Variants in PHKA2 observed in about 807,000 individuals in gnomAD.
PHKA2 encodes phosphorylase b kinase regulatory subunit alpha, liver isoform.
In PHKA2, 31 loss-of-function variants were observed where a neutral mutation model predicts 102.0. The ratio of observed to expected loss-of-function variants is 0.30; its 90% CI spans 0.23 to 0.41. PHKA2 has a LOEUF of 0.41. PHKA2 is among the 10% of genes least tolerant of loss of function. The pLI is 1.00. For missense variants in PHKA2, 858 were observed against 1,023.1 expected (o/e 0.84, Z 2.20); for synonymous variants, 455 against 416.2 (o/e 1.09, Z -1.13).
intron 26 of PHKA2, 30 bp from the exon 27 acceptor site, chrX:18,901,633 C>G: frequency 1.0e-6 from 1 of 1,000,275 alleles, no homozygotes; most frequent in Non-Finnish European, 1.4e-6. Flanking sequence ...ACGTGGTTCT[C>G]AGGAACTCTA....
At chrX:18,906,250 C>T (rs2047809070) in intron 25 of PHKA2, among the ~76,000 whole-genome samples, 1 of 112,129 alleles carries the variant, frequency 8.9e-6, no homozygotes, top group African/African-American at 3.2e-5. Flanking sequence ...GATTCCACAT[C>T]GCCTTTGAGG....
In PHKA2 at chrX:18,906,820, AAGG is replaced by A. The variant is rs2047824208; in HGVS notation, c.2598-9_2598-7del. On this transcript the variant is annotated splice_polypyrimidine_tract_variant and splice_region_variant and intron_variant, in intron 23 of 32. Transcript: ENST00000379942. ...GCTCCTCTGGGGGAAGGGGCCTAGAAAGGAGCATTGTGTCACGAATGTGATGAG... is the reference window on the plus strand; with the variant it reads ...GCTCCTCTGGGGGAAGGGGCCTAGAAAGCATTGTGTCACGAATGTGATGAG... 1.7e-6 allele frequency: 2 copies of A among 1,198,749 alleles called. No individual in the cohort carries two copies. The highest frequency in any genetic ancestry group is 4.4e-5 in the Admixed American group (2 of 45,819).
chrX:18,920,843 T>G (rs1477693278), intron 17 of PHKA2, among the ~76,000 whole-genome samples: 1 of 112,286 alleles, frequency 8.9e-6, no homozygotes, highest in Non-Finnish European at 1.9e-5. Flanking sequence ...GGGAGCGATT[T>G]GCACATACAG....
intron 9 of PHKA2, 78 bp downstream of exon 9, chrX:18,939,917 A>T: frequency 1.4e-6 from 1 of 698,228 alleles, no homozygotes; most frequent in East Asian, 3.2e-5. Context: ...AATTATAATC[A>T]GCAGAGGGAG....
At chrX:18,947,427 T>G (rs2048599593) in intron 5 of PHKA2, among the ~76,000 whole-genome samples, 1 of 112,173 alleles carries the variant, frequency 8.9e-6, no homozygotes, top group Admixed American at 9.4e-5. Context: ...ACATTTATAC[T>G]CAGCAAATCT....
At chrX:18,982,445 T>C (rs925362977) in intron 1 of PHKA2, among the ~76,000 whole-genome samples, 2 of 112,436 alleles carry the variant, frequency 1.8e-5, no homozygotes, top group African/African-American at 3.2e-5. Context: ...GCTGCAGTTA[T>C]TATGGTATAT....
At chrX:18,966,081 GTTTTTTTTTTGTT>G (rs2048937942) in intron 1 of PHKA2, among the ~76,000 whole-genome samples, 1 of 85,099 alleles carries the variant, frequency 1.2e-5, no homozygotes, top group African/African-American at 4.9e-5. Flanking sequence ...TGGCTCTTTT[GTTTTTTTTTTGTT>G]TTTTTTTTTT....
At chrX:18,928,723 T>C (rs774085509) in intron 13 of PHKA2, among the ~76,000 whole-genome samples, 3 of 112,597 alleles carry the variant, frequency 2.7e-5, no homozygotes, top group African/African-American at 9.7e-5. Context: ...CTGATGACCC[T>C]GAGGCACAGA....
rs780650294 is a variant in PHKA2 at position 18,929,217 on chromosome X, C to G, written c.1324+11G>C. The G allele has an allele frequency of 8.2e-6, 9 of 1,096,993 alleles. No homozygotes were observed. The highest frequency in any genetic ancestry group is 2.5e-5 in the Admixed American group (1 of 40,149). The allele number at this position is 1,096,993 out of a possible 1,213,427, so 90.4% of individuals were successfully genotyped here. Reference sequence around the variant, plus strand: ...CAAAGTTAAATATGAACAGTAAACACGCTCACAAACCTTGTACTACAACAT... The same window carrying G: ...CAAAGTTAAATATGAACAGTAAACAGGCTCACAAACCTTGTACTACAACAT... On this transcript the variant is annotated intron_variant, in intron 13 of 32. Coordinates refer to ENST00000379942, the MANE Select transcript of PHKA2 (RefSeq NM_000292.3).
intron 12 of PHKA2, among the ~76,000 whole-genome samples, chrX:18,931,233 G>A (rs2048310141): frequency 8.9e-6 from 1 of 111,968 alleles, no homozygotes; most frequent in Admixed American, 9.4e-5. Flanking sequence ...GAGATCTGTG[G>A]CCCTTGTGCT....
intron 3 of PHKA2, among the ~76,000 whole-genome samples, chrX:18,952,138 C>CA (rs2048701084): frequency 1.1e-5 from 1 of 93,878 alleles, no homozygotes; most frequent in Non-Finnish European, 2.1e-5. Flanking sequence ...CACTTGCGCC[C>CA]AGGTGTTCAA....
At chrX:18,898,719 C>T (rs1454057350) in intron 29 of PHKA2, among the ~76,000 whole-genome samples, 1 of 112,332 alleles carries the variant, frequency 8.9e-6, no homozygotes, top group African/African-American at 3.2e-5. Flanking sequence ...TCAGCTGATC[C>T]GGGCCCTCCA....
chrX:18,983,175 G>C (rs768773030), intron 1 of PHKA2, among the ~76,000 whole-genome samples: 3 of 112,120 alleles, frequency 2.7e-5, no homozygotes, highest in Admixed American at 1.9e-4. Context: ...TCTTCACTAG[G>C]AATAAAAATA....
In PHKA2 at chrX:18,934,107, A is replaced by C. The variant is rs1601751421; in HGVS notation, c.1137+1948T>G. Among the ~76,000 whole-genome samples, 3 of 112,033 alleles carry C rather than the reference A, an allele frequency of 2.7e-5. No individual in the cohort carries two copies. The South Asian group carries it at 1.1e-3, about 42-fold the overall frequency. ...CCAATTCGGTTTTCCCGAATGCCTC[A>C]GTACTGGGAAAGGAGCGACCTGAAG... On this transcript the variant is annotated intron_variant, in intron 11 of 32. Transcript: ENST00000379942.
chrX:18,974,926 A>G lies in PHKA2; in HGVS notation c.78+8929T>C, dbSNP rs771496593. ...TCCCCCTTGGCAGTACCTCCCCCTC[A>G]TAATCTGGATCTCTCCACTTTTGGG... On this transcript the variant is annotated intron_variant, in intron 1 of 32. Transcript: ENST00000379942. Among the ~76,000 whole-genome samples, 3 of 110,704 alleles carry G rather than the reference A, an allele frequency of 2.7e-5. No homozygotes were observed. The South Asian group carries it at 1.2e-3, about 43-fold the overall frequency.
intron 7 of PHKA2, among the ~76,000 whole-genome samples, chrX:18,941,878 T>C: frequency 8.9e-6 from 1 of 112,742 alleles, no homozygotes; most frequent in South Asian, 3.6e-4. Context: ...AGTCAGGGCT[T>C]GGGGAGAGCA....
chrX:18,934,174 C>G (rs1230920911), intron 11 of PHKA2, among the ~76,000 whole-genome samples: 5 of 112,067 alleles, frequency 4.5e-5, no homozygotes, highest in African/African-American at 1.6e-4. Flanking sequence ...ACCCAGCCCC[C>G]ACTGCCAGCC....
chrX:18,892,544 C>CTAT lies in PHKA2; in HGVS notation c.*938_*940dup, dbSNP rs1182786143. The CTAT allele has an allele frequency of 1.1e-4, 12 of 111,921 alleles. No individual in the cohort carries two copies. The highest frequency in any genetic ancestry group is 7.5e-5 in the Non-Finnish European group (4 of 53,198). 9.2% of individuals were successfully genotyped at this position (111,921 alleles called of 1,213,427 possible). A position where few individuals can be genotyped will look rare whatever the true frequency, so the allele number is the denominator to read the frequency against. On this transcript the variant is annotated 3_prime_UTR_variant, in exon 33 of 33. Transcript: ENST00000379942. Reference sequence around the variant, plus strand: ...GAGGGTACAGGTTCCTAGCCTGGCTCTATTTTTCAGAGGGAAGCATTGTTT... The same window carrying CTAT: ...GAGGGTACAGGTTCCTAGCCTGGCTCTATTATTTTTCAGAGGGAAGCATTGTTT...
At chrX:18,948,015 C>T (rs1283936864) in intron 5 of PHKA2, among the ~76,000 whole-genome samples, 6 of 111,032 alleles carry the variant, frequency 5.4e-5, no homozygotes, top group Non-Finnish European at 9.4e-5. Context: ...GTGTGGGAAG[C>T]GGGAGAGGAA....
Sources: gnomAD v4.1 joint callset for allele counts (sites outside exome capture counted in the v4.1 genomes callset) on GRCh38, gnomAD v4.1.1 for gene constraint, MANE v1.5 for transcripts, NCBI Gene and HGNC (gene_info 2026-07-23, HGNC 2026-07-21) for gene names.